The following COL23A1 variants were observed in gnomAD, a reference collection of about 807,000 sequenced individuals.
COL23A1 encodes collagen alpha-1(XXIII) chain.
A neutral mutation model predicts 99.3 loss-of-function variants in COL23A1; 97 were observed. The observed-to-expected ratio is 0.98, with a 90% confidence interval of 0.83 to 1.16. COL23A1 has a LOEUF of 1.16. Ranked by LOEUF, COL23A1 falls within the 50% of genes most tolerant of loss-of-function variation. COL23A1 has a pLI of 0.00. For synonymous variants in COL23A1, 320 were observed against 308.2 expected (o/e 1.04, Z -0.40); for missense variants, 762 against 757.4 (o/e 1.01, Z -0.07).
intron 2 of COL23A1, among the ~76,000 whole-genome samples, chr5:178,541,830 A>G (rs1305083029): frequency 1.3e-5 from 2 of 152,198 alleles, no homozygotes; most frequent in Non-Finnish European, 2.9e-5. Flanking sequence ...TGCAGACACA[A>G]GAATCCATAC....
chr5:178,358,753 CTGTG>C (rs1338637265), intron 2 of COL23A1, among the ~76,000 whole-genome samples: 4,406 of 135,148 alleles, frequency 0.033, 105 homozygotes, highest in Middle Eastern at 0.07. Context: ...GTGTGTGTAT[CTGTG>C]TGTGTGTATG....
At chr5:178,300,871 A>T (rs893778953) in intron 3 of COL23A1, among the ~76,000 whole-genome samples, 1 of 151,590 alleles carries the variant, frequency 6.6e-6, no homozygotes, top group East Asian at 1.9e-4. Context: ...GCCAAGATTC[A>T]TTTTTTTTGC....
intron 27 of COL23A1, among the ~76,000 whole-genome samples, chr5:178,241,020 C>T (rs923850670): frequency 2.6e-5 from 4 of 152,134 alleles, no homozygotes; most frequent in East Asian, 3.9e-4. Context: ...GTGGGACAAT[C>T]GCTTGAGCCC....
chr5:178,457,422 C>G (rs556220738), intron 2 of COL23A1, among the ~76,000 whole-genome samples: 84 of 152,172 alleles, frequency 5.5e-4, no homozygotes, highest in African/African-American at 2.0e-3. Flanking sequence ...GCCATGTTGG[C>G]CAGGCTGGTT....
At chr5:178,256,598 A>T (rs1276977893) in intron 14 of COL23A1, among the ~76,000 whole-genome samples, 1 of 152,176 alleles carries the variant, frequency 6.6e-6, no homozygotes, top group African/African-American at 2.4e-5. Context: ...ATCACTTCGT[A>T]TAGAGATGGG....
intron 1 of COL23A1, among the ~76,000 whole-genome samples, chr5:178,585,566 G>A (rs993625478): frequency 5.3e-5 from 8 of 151,742 alleles, no homozygotes; most frequent in African/African-American, 1.9e-4. Context: ...TGATGCTGGG[G>A]GTAACACTCC....
intron 3 of COL23A1, among the ~76,000 whole-genome samples, chr5:178,301,210 G>A (rs1161671234): frequency 1.3e-5 from 2 of 152,086 alleles, no homozygotes; most frequent in East Asian, 1.9e-4. Context: ...ATCTACTGTC[G>A]AAGCCCTCTA....
intron 2 of COL23A1, among the ~76,000 whole-genome samples, chr5:178,316,024 G>A (rs1758965092): frequency 6.6e-6 from 1 of 152,126 alleles, no homozygotes; most frequent in Non-Finnish European, 1.5e-5. Context: ...CGGAAACTGT[G>A]TTAAATTTTT....
chr5:178,298,117 CT>C (rs36008716), intron 3 of COL23A1, among the ~76,000 whole-genome samples: 9,825 of 152,206 alleles, frequency 0.065, 421 homozygotes, highest in African/African-American at 0.11. Flanking sequence ...ACTGACTTTG[CT>C]GTCAGGAATG....
intron 2 of COL23A1, among the ~76,000 whole-genome samples, chr5:178,558,991 C>T (rs1221348231): frequency 1.3e-5 from 2 of 152,046 alleles, no homozygotes; most frequent in South Asian, 2.1e-4. Context: ...GGTTTCACCA[C>T]GTTGGCCAGA....
At chr5:178,391,267 C>T (rs1763947879) in intron 2 of COL23A1, among the ~76,000 whole-genome samples, 1 of 152,146 alleles carries the variant, frequency 6.6e-6, no homozygotes, top group Non-Finnish European at 1.5e-5. Flanking sequence ...AGGTTGGAGA[C>T]CACTGCTTTA....
intron 1 of COL23A1, among the ~76,000 whole-genome samples, chr5:178,586,283 T>C (rs1764001487): frequency 6.6e-6 from 1 of 152,208 alleles, no homozygotes; most frequent in Non-Finnish European, 1.5e-5. Flanking sequence ...GTTATCATAT[T>C]TGCATACATG....
chr5:178,412,429 C>A (rs1432069092), intron 2 of COL23A1, among the ~76,000 whole-genome samples: 1 of 152,144 alleles, frequency 6.6e-6, no homozygotes. Flanking sequence ...TTTCTTCTTA[C>A]CACTAAATAT....
chr5:178,561,871 TG>T (rs1486723544), intron 1 of COL23A1: 9 of 278,334 alleles, frequency 3.2e-5, no homozygotes, highest in Middle Eastern at 2.4e-3. Flanking sequence ...TGCCTCTGAC[TG>T]GAACAGCCCA....
intron 2 of COL23A1, among the ~76,000 whole-genome samples, chr5:178,407,311 G>T (rs1764817626): frequency 6.6e-6 from 1 of 152,234 alleles, no homozygotes; most frequent in Non-Finnish European, 1.5e-5. Flanking sequence ...TGAAAGTAAT[G>T]AAGTGGTGCT....
At chr5:178,314,282 C>G (rs931359594) in intron 2 of COL23A1, among the ~76,000 whole-genome samples, 1 of 152,156 alleles carries the variant, frequency 6.6e-6, no homozygotes, top group Non-Finnish European at 1.5e-5. Context: ...AGCCGAACAG[C>G]GCTGGGTCCT....
At chr5:178,252,472 A>G in intron 17 of COL23A1, 72 bp downstream of exon 17, 1 of 1,427,336 alleles carries the variant, frequency 7.0e-7, no homozygotes, top group Admixed American at 1.9e-5. Context: ...AGGGTCACAG[A>G]GCAGACAGGA....
rs553806380 is a variant in COL23A1 at position 178,245,092 on chromosome 5, C to T, written c.1440+850G>A. ...ACTCATCATCTATCATCCATCCATC[C>T]GTCCATCCATCCCTCCACTGCCATC... On this transcript the variant is annotated intron_variant, in intron 25 of 28. Coordinates refer to ENST00000390654, the MANE Select transcript of COL23A1 (RefSeq NM_173465.4). 4.0e-5 allele frequency among the ~76,000 whole-genome samples: 6 copies of T among 150,058 alleles called. No individual in the cohort carries two copies. The East Asian group carries it at 8.0e-4, about 20-fold the overall frequency.
chr5:178,261,284 C>T (rs969349120), intron 11 of COL23A1, among the ~76,000 whole-genome samples: 1 of 151,934 alleles, frequency 6.6e-6, no homozygotes, highest in Non-Finnish European at 1.5e-5. Flanking sequence ...CATGGTGGCA[C>T]ACACCTGTTG....
Sources: gnomAD v4.1 joint callset for allele counts (sites outside exome capture counted in the v4.1 genomes callset) on GRCh38, gnomAD v4.1.1 for gene constraint, MANE v1.5 for transcripts, NCBI Gene and HGNC (gene_info 2026-07-23, HGNC 2026-07-21) for gene names.